The following SLC10A7 variants were observed in gnomAD, a reference collection of about 807,000 sequenced individuals.
SLC10A7 encodes the protein sodium/bile acid cotransporter 7.
In SLC10A7, 29 loss-of-function variants were observed where a neutral mutation model predicts 43.2. The ratio of observed to expected loss-of-function variants is 0.67; its 90% CI spans 0.50 to 0.92. SLC10A7 has a LOEUF of 0.92. Ranked by LOEUF, SLC10A7 falls within the 40% of genes least tolerant of loss-of-function variation. The probability of loss-of-function intolerance (pLI) is 0.00; values close to 1 mark genes in which losing one functional copy is unlikely to be tolerated. For missense variants in SLC10A7, 295 were observed against 403.2 expected, an observed-to-expected ratio of 0.73 and a Z score of 2.30; for synonymous variants, 152 against 144.8, an observed-to-expected ratio of 1.05 and a Z score of -0.35.
chr4:146,412,444 A>T (rs945347489), intron 5 of SLC10A7, among the ~76,000 whole-genome samples: 3 of 152,274 alleles, frequency 2.0e-5, no homozygotes, highest in Admixed American at 6.5e-5. Flanking sequence ...AAGCACACAA[A>T]TATGCCTACT....
chr4:146,334,104 C>T (rs1455496060), intron 5 of SLC10A7, among the ~76,000 whole-genome samples: 4 of 151,974 alleles, frequency 2.6e-5, no homozygotes, highest in African/African-American at 9.7e-5. Flanking sequence ...GATCATAGAG[C>T]CAATTACTGA....
rs1283837051 is a variant in SLC10A7, at chr4:146,404,276, G to A, written c.435+38507C>T. On this transcript the variant is annotated intron_variant, in intron 5 of 11. Transcript: ENST00000335472. Reference sequence around the variant, plus strand: ...CTCCAGCAATCCAATTGCCTCGGCCGCCCAAAGTGCTGAGATTACAGGCCT... The same window carrying A: ...CTCCAGCAATCCAATTGCCTCGGCCACCCAAAGTGCTGAGATTACAGGCCT... 5.3e-5 allele frequency among the ~76,000 whole-genome samples: 8 copies of A among 152,048 alleles called. 1 individual carries two copies. The highest frequency in any genetic ancestry group is 4.2e-4 in the South Asian group (2 of 4,814).
chr4:146,303,186 T>A (rs1560779238), intron 7 of SLC10A7, among the ~76,000 whole-genome samples: 1 of 152,128 alleles, frequency 6.6e-6, no homozygotes, highest in Non-Finnish European at 1.5e-5. Context: ...GAGTTCCCCA[T>A]GGGTTCTACT....
At position 146,509,893 on chromosome 4, in the gene SLC10A7, T is replaced by G; in HGVS notation, c.320+20A>C. ...GATGCCCCATTAAAAGTGGACCCACTTTTAAAGATTTAAACATACCCTTTT... is the reference window on the plus strand; with the variant it reads ...GATGCCCCATTAAAAGTGGACCCACGTTTAAAGATTTAAACATACCCTTTT... On this transcript the variant is annotated intron_variant, in intron 3 of 11. Coordinates refer to ENST00000335472, the MANE Select transcript of SLC10A7 (RefSeq NM_001029998.6). 1 of 1,604,794 alleles carries G rather than the reference T, an allele frequency of 6.2e-7. No individual in the cohort carries two copies. Among genetic ancestry groups the G allele is most frequent in the Non-Finnish European group, 8.5e-7 (1 of 1,177,098 alleles).
intron 4 of SLC10A7, among the ~76,000 whole-genome samples, chr4:146,472,426 G>A (rs1222094071): frequency 6.9e-6 from 1 of 144,888 alleles, no homozygotes; most frequent in African/African-American, 2.6e-5. Context: ...TATCTGTGCA[G>A]GCTTATTCTG....
At chr4:146,447,968 C>A (rs138824412) in intron 4 of SLC10A7, among the ~76,000 whole-genome samples, 2,531 of 148,076 alleles carry the variant, frequency 0.017, 80 homozygotes, top group African/African-American at 0.06. Flanking sequence ...ATCGCAAGGA[C>A]AAAAAACCAA....
intron 1 of SLC10A7, among the ~76,000 whole-genome samples, chr4:146,518,728 G>A (rs1738253446): frequency 6.6e-6 from 1 of 152,014 alleles, no homozygotes; most frequent in Non-Finnish European, 1.5e-5. Flanking sequence ...CATGCACAAG[G>A]AAGATAGCCA....
rs113421147 is a variant in SLC10A7 at position 146,502,307 on chromosome 4, A to G, written c.396+1542T>C. On this transcript the variant is annotated intron_variant, in intron 4 of 11. Coordinates refer to ENST00000335472, the MANE Select transcript of SLC10A7 (RefSeq NM_001029998.6). ...GGAACTCTCATTCGCTACTGGTTGG[A>G]ATGTAAAACTGTATGACCACTTTAA... 2.7e-3 allele frequency among the ~76,000 whole-genome samples: 416 copies of G among 152,332 alleles called. 4 individuals carry two copies. The highest frequency in any genetic ancestry group is 9.8e-3 in the African/African-American group (406 of 41,580).
intron 5 of SLC10A7, among the ~76,000 whole-genome samples, chr4:146,416,632 CCAGGAGAGTATT>C (rs1248832037): frequency 6.6e-6 from 1 of 152,080 alleles, no homozygotes; most frequent in Non-Finnish European, 1.5e-5. Flanking sequence ...GCACTACTTA[CCAGGAGAGTATT>C]CAGAAAGAGA....
At chr4:146,268,792 G>C (rs899261102) in intron 10 of SLC10A7, among the ~76,000 whole-genome samples, 16 of 152,282 alleles carry the variant, frequency 1.1e-4, no homozygotes, top group African/African-American at 3.9e-4. Context: ...TAGCTCTAGA[G>C]TCTGTGCTCC....
chr4:146,457,134 A>G (rs1732133889), intron 4 of SLC10A7, among the ~76,000 whole-genome samples: 1 of 151,960 alleles, frequency 6.6e-6, no homozygotes. Flanking sequence ...AACTTTATCT[A>G]TGGATACTAA....
At chr4:146,278,741 A>C (rs777588756) in intron 10 of SLC10A7, among the ~76,000 whole-genome samples, 1 of 152,088 alleles carries the variant, frequency 6.6e-6, no homozygotes, top group African/African-American at 2.4e-5. Flanking sequence ...AAGGAATCTC[A>C]AGTGTCATTT....
intron 4 of SLC10A7, among the ~76,000 whole-genome samples, chr4:146,493,922 T>C (rs1434794090): frequency 6.6e-6 from 1 of 152,242 alleles, no homozygotes; most frequent in Admixed American, 6.5e-5. Context: ...ATGTAATATG[T>C]ATATACAGCA....
At chr4:146,492,142 C>T (rs1735511720) in intron 4 of SLC10A7, among the ~76,000 whole-genome samples, 1 of 151,880 alleles carries the variant, frequency 6.6e-6, no homozygotes, top group Non-Finnish European at 1.5e-5. Flanking sequence ...ATGGCATGCA[C>T]CCTGGAGGCG....
chr4:146,392,251 A>G (rs1202210051), intron 5 of SLC10A7, among the ~76,000 whole-genome samples: 3 of 152,204 alleles, frequency 2.0e-5, no homozygotes, highest in Non-Finnish European at 4.4e-5. Context: ...CCATTCTCAC[A>G]TGAAGGGTAA....
chr4:146,435,944 A>G (rs576194756), intron 5 of SLC10A7, among the ~76,000 whole-genome samples: 1 of 152,248 alleles, frequency 6.6e-6, no homozygotes, highest in South Asian at 2.1e-4. Context: ...AAAAATTAAA[A>G]TGAAAGTACA....
At chr4:146,422,002 A>T (rs1728997668) in intron 5 of SLC10A7, among the ~76,000 whole-genome samples, 3 of 152,078 alleles carry the variant, frequency 2.0e-5, no homozygotes, top group South Asian at 2.1e-4. Flanking sequence ...CTTCGATTAC[A>T]CTCTCTTAAA....
At chr4:146,394,799 T>C (rs910010884) in intron 5 of SLC10A7, among the ~76,000 whole-genome samples, 1 of 152,184 alleles carries the variant, frequency 6.6e-6, no homozygotes, top group Non-Finnish European at 1.5e-5. Flanking sequence ...AAGTATATCT[T>C]TCTTCTGAGT....
intron 6 of SLC10A7, among the ~76,000 whole-genome samples, chr4:146,314,449 A>C (rs1732187428): frequency 6.6e-6 from 1 of 152,146 alleles, no homozygotes. Flanking sequence ...ATATCAGTCC[A>C]ATGATCACAG....
Sources: allele counts gnomAD v4.1 joint callset (sites outside exome capture counted in the v4.1 genomes callset), GRCh38; gene constraint gnomAD v4.1.1; transcripts MANE v1.5; gene names NCBI Gene and HGNC (gene_info 2026-07-23, HGNC 2026-07-21).